MMP16: variants seen among roughly 807,000 people sequenced by gnomAD.
The protein encoded by MMP16 is matrix metallopeptidase 16.
MMP16 carries 12 observed loss-of-function variants against 67.8 expected under a neutral mutation model. That is an observed-to-expected ratio of 0.18 (90% CI 0.11 to 0.29). The LOEUF (loss-of-function observed/expected upper bound fraction) is 0.29. MMP16 is among the 10% of genes least tolerant of loss of function. The pLI, the probability that MMP16 is intolerant of heterozygous loss-of-function variation, is 1.00. For missense variants in MMP16, 475 were observed against 765.7 expected, an observed-to-expected ratio of 0.62 and a Z score of 4.48; for synonymous variants, 249 against 255.9, an observed-to-expected ratio of 0.97 and a Z score of 0.26.
intron 9 of MMP16, among the ~76,000 whole-genome samples, chr8:88,042,629 T>C (rs1808147870): frequency 6.6e-6 from 1 of 152,190 alleles, no homozygotes; most frequent in Admixed American, 6.5e-5. Context: ...CAATTCTATT[T>C]TTAATACTTC....
chr8:88,136,373 A>G (rs1364614219), intron 4 of MMP16, among the ~76,000 whole-genome samples: 5 of 151,820 alleles, frequency 3.3e-5, no homozygotes, highest in Non-Finnish European at 5.9e-5. Flanking sequence ...CAAATTAAAA[A>G]CTTTAATTTT....
At chr8:88,045,995 T>G in intron 9 of MMP16, among the ~76,000 whole-genome samples, 1 of 152,214 alleles carries the variant, frequency 6.6e-6, no homozygotes, top group East Asian at 1.9e-4. Flanking sequence ...TTATTATGAT[T>G]TATTCCTATT....
intron 1 of MMP16, among the ~76,000 whole-genome samples, chr8:88,291,001 C>T (rs976202201): frequency 1.3e-5 from 2 of 152,068 alleles, no homozygotes; most frequent in Non-Finnish European, 2.9e-5. Context: ...AAAATAAGGG[C>T]CAGGCGTGGT....
At chr8:88,069,594 AG>A (rs1475374049) in intron 7 of MMP16, 3 of 456,140 alleles carry the variant, frequency 6.6e-6, no homozygotes, top group African/African-American at 6.4e-5. Flanking sequence ...AAATTTAGGC[AG>A]GCTTATTGCT....
At chr8:88,141,199 T>C (rs973383179) in intron 4 of MMP16, among the ~76,000 whole-genome samples, 6 of 152,178 alleles carry the variant, frequency 3.9e-5, no homozygotes, top group Non-Finnish European at 8.8e-5. Context: ...AATCAATTAA[T>C]ATCCTTTCTA....
At chr8:88,266,724 T>C (rs1039520583) in intron 1 of MMP16, among the ~76,000 whole-genome samples, 2 of 151,864 alleles carry the variant, frequency 1.3e-5, no homozygotes, top group African/African-American at 4.8e-5. Flanking sequence ...AAAAAAAAAA[T>C]GTGCCTACCC....
chr8:88,093,594 TG>T (rs1168108774), intron 6 of MMP16, among the ~76,000 whole-genome samples: 1 of 151,860 alleles, frequency 6.6e-6, no homozygotes, highest in Non-Finnish European at 1.5e-5. Flanking sequence ...ACCTTAATGT[TG>T]TTTGGTATCC....
At chr8:88,065,886 T>G (rs1346839543) in intron 7 of MMP16, among the ~76,000 whole-genome samples, 1 of 152,132 alleles carries the variant, frequency 6.6e-6, no homozygotes, top group East Asian at 1.9e-4. Flanking sequence ...CTTTGCCATT[T>G]TCCAGCACCG....
chr8:88,050,870 G>A (rs1380736925), intron 8 of MMP16, among the ~76,000 whole-genome samples: 2 of 152,096 alleles, frequency 1.3e-5, no homozygotes, highest in Admixed American at 6.5e-5. Flanking sequence ...TATATTATAT[G>A]CCAGACTCAT....
chr8:88,265,557 C>G (rs1490031226), intron 1 of MMP16, among the ~76,000 whole-genome samples: 1 of 152,050 alleles, frequency 6.6e-6, no homozygotes, highest in African/African-American at 2.4e-5. Flanking sequence ...TATATGTAGA[C>G]TTGGACAAGT....
At chr8:88,123,089 T>C (rs1807867683) in intron 4 of MMP16, among the ~76,000 whole-genome samples, 2 of 151,942 alleles carry the variant, frequency 1.3e-5, no homozygotes, top group African/African-American at 4.8e-5. Context: ...AATAAATTGT[T>C]GTTTTAAGTT....
intron 1 of MMP16, among the ~76,000 whole-genome samples, chr8:88,205,059 C>T (rs961396564): frequency 2.6e-5 from 4 of 152,204 alleles, no homozygotes; most frequent in Admixed American, 2.6e-4. Flanking sequence ...ATAAAAACAA[C>T]TGCTAGCATG....
intron 3 of MMP16, among the ~76,000 whole-genome samples, chr8:88,178,437 CA>C (rs1808927728): frequency 6.6e-6 from 1 of 151,984 alleles, no homozygotes; most frequent in Non-Finnish European, 1.5e-5. Context: ...TTAAACATGG[CA>C]AAGGAAATAT....
At chr8:88,044,158 A>T (rs1250952772) in intron 9 of MMP16, among the ~76,000 whole-genome samples, 1 of 152,230 alleles carries the variant, frequency 6.6e-6, no homozygotes, top group African/African-American at 2.4e-5. Flanking sequence ...ACAAATAAGA[A>T]GTCTAGGCTT....
At chr8:88,216,670 G>C (rs1225086223) in intron 1 of MMP16, among the ~76,000 whole-genome samples, 1 of 152,022 alleles carries the variant, frequency 6.6e-6, no homozygotes. Flanking sequence ...TATCAAGTTT[G>C]TTTTGCAGAT....
intron 4 of MMP16, among the ~76,000 whole-genome samples, chr8:88,146,666 T>G (rs1019551867): frequency 1.3e-5 from 2 of 151,986 alleles, no homozygotes; most frequent in East Asian, 1.9e-4. Flanking sequence ...ATATTCATTC[T>G]AGGAACATTT....
intron 7 of MMP16, among the ~76,000 whole-genome samples, chr8:88,068,300 G>A (rs529758977): frequency 1.3e-5 from 2 of 151,812 alleles, no homozygotes; most frequent in African/African-American, 2.4e-5. Flanking sequence ...TTTATATATT[G>A]TGAATAAAAA....
chr8:88,302,353 A>C (rs931625508), intron 1 of MMP16, among the ~76,000 whole-genome samples: 2 of 152,164 alleles, frequency 1.3e-5, no homozygotes, highest in Non-Finnish European at 2.9e-5. Flanking sequence ...CTTAAGGCCA[A>C]CCTTATGCCT....
chr8:88,191,752 T>C (rs1355679529), intron 2 of MMP16, among the ~76,000 whole-genome samples: 1 of 152,232 alleles, frequency 6.6e-6, no homozygotes, highest in Non-Finnish European at 1.5e-5. Flanking sequence ...TGGGCATTCA[T>C]GCCAAACACA....
Sources: gnomAD v4.1 joint callset for allele counts (sites outside exome capture counted in the v4.1 genomes callset) on GRCh38, gnomAD v4.1.1 for gene constraint, MANE v1.5 for transcripts, NCBI Gene and HGNC (gene_info 2026-07-23, HGNC 2026-07-21) for gene names.